CLEC2L: variants seen among roughly 807,000 people sequenced by gnomAD.
CLEC2L encodes the protein C-type lectin domain family 2, member L.
A neutral mutation model predicts 23.6 loss-of-function variants in CLEC2L; 14 were observed. The observed-to-expected ratio is 0.59, with a 90% CI of 0.39 to 0.93. CLEC2L has a LOEUF of 0.93. Among genes scored for constraint, CLEC2L ranks in the 40% least tolerant of loss-of-function variants. The pLI, the probability that CLEC2L is intolerant of heterozygous loss-of-function variation, is 0.00. For synonymous variants in CLEC2L, 114 were observed against 121.3 expected, an observed-to-expected ratio of 0.94 and a Z score of 0.40; for missense variants, 264 against 282.4, an observed-to-expected ratio of 0.93 and a Z score of 0.47.
At chr7:139,531,915 AAAAAAG>A (rs577576907) in intron 1 of CLEC2L, among the ~76,000 whole-genome samples, 2 of 152,194 alleles carry the variant, frequency 1.3e-5, no homozygotes, top group African/African-American at 4.8e-5. Context: ...GTCTCAAAAA[AAAAAAG>A]AAAAAGAAAA....
chr7:139,524,685 C>G (rs530813919), intron 1 of CLEC2L, among the ~76,000 whole-genome samples: 3 of 152,306 alleles, frequency 2.0e-5, no homozygotes, highest in African/African-American at 7.2e-5. Flanking sequence ...GACCCCTGGC[C>G]TGCCTCCGGG....
At chr7:139,536,182 C>T in intron 1 of CLEC2L, 92 bp from the exon 2 acceptor site, 1 of 929,994 alleles carries the variant, frequency 1.1e-6, no homozygotes, top group South Asian at 1.6e-5. Flanking sequence ...GGCTCTACCT[C>T]CCCCTGTTTC....
intron 1 of CLEC2L, among the ~76,000 whole-genome samples, chr7:139,530,572 A>C (rs561835030): frequency 6.6e-6 from 1 of 152,134 alleles, no homozygotes; most frequent in African/African-American, 2.4e-5. Flanking sequence ...CAGCACTTTG[A>C]GAGGCCGAGG....
chr7:139,540,218 C>T lies in CLEC2L; in HGVS notation c.266-103C>T. 8.5e-7 allele frequency: 1 copy of T among 1,180,300 alleles called. No individual in the cohort carries two copies. Among genetic ancestry groups the T allele is most frequent in the Non-Finnish European group, 1.2e-6 (1 of 833,894 alleles). The allele number at this position is 1,180,300 out of a possible 1,614,324, so 73.1% of individuals were successfully genotyped here. A position where few individuals can be genotyped will look rare whatever the true frequency, so the allele number is the denominator to read the frequency against. Reference sequence around the variant, plus strand: ...GAGAGGACAGCCACATCTGCAGTGTCCCTGCAGGACGCCAAAGCTGAGGCA... The same window carrying T: ...GAGAGGACAGCCACATCTGCAGTGTTCCTGCAGGACGCCAAAGCTGAGGCA... On this transcript the variant is annotated intron_variant, in intron 2 of 4. Transcript: ENST00000422142. This position sits in a 1 kb window ranked among gnomAD's most constrained non-coding sequence, Gnocchi z 5.8.
At chr7:139,541,961 A>G in intron 3 of CLEC2L, 60 bp from the exon 4 acceptor site, 1 of 1,132,746 alleles carries the variant, frequency 8.8e-7, no homozygotes, top group Non-Finnish European at 1.3e-6. Flanking sequence ...TTGTCTTGGG[A>G]TGTGACAGCA....
chr7:139,530,105 A>G (rs1311525312), intron 1 of CLEC2L, among the ~76,000 whole-genome samples: 1 of 151,422 alleles, frequency 6.6e-6, no homozygotes, highest in Admixed American at 6.6e-5. Flanking sequence ...AATTGCTTGA[A>G]CCTGGGAGGC....
chr7:139,524,975 C>T (rs905546960), intron 1 of CLEC2L, among the ~76,000 whole-genome samples: 2 of 152,078 alleles, frequency 1.3e-5, no homozygotes, highest in Admixed American at 6.6e-5. Flanking sequence ...TCTTAGCAGG[C>T]GTGGAGACAG....
At position 139,530,375 on chromosome 7, in the gene CLEC2L, A is replaced by G. The variant is rs553400314; in HGVS notation, c.191-5899A>G. Among the ~76,000 whole-genome samples the G allele has an allele frequency of 2.5e-4, 38 of 152,296 alleles. 1 individual carries two copies. Among genetic ancestry groups the G allele is most frequent in the South Asian group, 1.0e-3 (5 of 4,822 alleles). On this transcript the variant is annotated intron_variant, in intron 1 of 4. Coordinates refer to ENST00000422142, the MANE Select transcript of CLEC2L (RefSeq NM_001080511.4). ...ACCTGAGCCTCATGGGAGGACCTCT[A>G]AGGCTCAGGGGTTGGTGGCAGTGCT...
At chr7:139,532,292 G>T (rs927963263) in intron 1 of CLEC2L, among the ~76,000 whole-genome samples, 1 of 152,196 alleles carries the variant, frequency 6.6e-6, no homozygotes, top group Non-Finnish European at 1.5e-5. Flanking sequence ...TTGATCCTTG[G>T]ATTTGTGCAG....
intron 1 of CLEC2L, chr7:139,534,354 C>A: frequency 9.4e-7 from 1 of 1,062,000 alleles, no homozygotes; most frequent in Non-Finnish European, 1.5e-6. Flanking sequence ...TGTATGAAGA[C>A]ATGTGAAAAG....
chr7:139,529,102 G>C (rs1441718442), intron 1 of CLEC2L, among the ~76,000 whole-genome samples: 2 of 152,142 alleles, frequency 1.3e-5, no homozygotes, highest in East Asian at 1.9e-4. Context: ...CTGAAGGTGA[G>C]TAAAGCACAG....
At chr7:139,538,067 A>G (rs1356336862) in intron 2 of CLEC2L, among the ~76,000 whole-genome samples, 1 of 152,202 alleles carries the variant, frequency 6.6e-6, no homozygotes, top group Non-Finnish European at 1.5e-5. Flanking sequence ...AAGTCCACCA[A>G]TATTATCAGT....
chr7:139,535,362 G>A (rs1326789832), intron 1 of CLEC2L, among the ~76,000 whole-genome samples: 2 of 152,176 alleles, frequency 1.3e-5, no homozygotes, highest in Non-Finnish European at 2.9e-5. Flanking sequence ...GTTGCCCGGG[G>A]CTGGGGAGAG....
At chr7:139,541,576 A>T (rs1797736566) in intron 3 of CLEC2L, among the ~76,000 whole-genome samples, 1 of 152,226 alleles carries the variant, frequency 6.6e-6, no homozygotes, top group African/African-American at 2.4e-5. Context: ...ACACAGTATG[A>T]TATCCCCAGT....
At position 139,540,757 on chromosome 7, in the gene CLEC2L, G is replaced by T. The variant is rs137988920; in HGVS notation, c.432+270G>T. On this transcript the variant is annotated intron_variant, in intron 3 of 4. Coordinates refer to ENST00000422142, the MANE Select transcript of CLEC2L (RefSeq NM_001080511.4). The surrounding 1 kb of genome is among the most constrained non-coding windows in gnomAD (Gnocchi z 5.8). ...GGTCACTTAGTATTATAAACCAGAA[G>T]AATTACACATTATAAAGCTGGTGAT... Among the ~76,000 whole-genome samples, 1 of 152,152 alleles carries T rather than the reference G, an allele frequency of 6.6e-6. No individual in the cohort carries two copies. Among genetic ancestry groups the T allele is most frequent in the Non-Finnish European group, 1.5e-5 (1 of 68,034 alleles).
intron 2 of CLEC2L, 133 bp downstream of exon 2, chr7:139,536,481 G>A: frequency 4.1e-6 from 3 of 739,384 alleles, no homozygotes; most frequent in Admixed American, 2.5e-5. Flanking sequence ...AAAATACATA[G>A]TGTCAGTTGT....
At chr7:139,541,984 C>A in intron 3 of CLEC2L, 37 bp from the exon 4 acceptor site, 1 of 1,421,328 alleles carries the variant, frequency 7.0e-7, no homozygotes, top group Non-Finnish European at 9.8e-7. Context: ...CAGGAGACCG[C>A]ATCTGACCCT....
chr7:139,534,726 C>T (rs1046107970), intron 1 of CLEC2L, among the ~76,000 whole-genome samples: 4 of 151,894 alleles, frequency 2.6e-5, no homozygotes, highest in South Asian at 2.1e-4. Context: ...TGGAAACCCC[C>T]GTTGCCCCCT....
chr7:139,536,240 C>T (rs751394407), intron 1 of CLEC2L, 34 bp from the exon 2 acceptor site: 19 of 1,523,174 alleles, frequency 1.2e-5, no homozygotes, highest in South Asian at 6.0e-5. Flanking sequence ...GTGGGATGGG[C>T]GGTGGGATGT....
Sources: allele counts gnomAD v4.1 joint callset (sites outside exome capture counted in the v4.1 genomes callset), GRCh38; gene constraint gnomAD v4.1.1; non-coding constraint Gnocchi (gnomAD v3.1); transcripts MANE v1.5; gene names NCBI Gene and HGNC (gene_info 2026-07-23, HGNC 2026-07-21).